SKA3: variants seen among roughly 807,000 people sequenced by gnomAD.
SKA3 encodes the protein spindle and kinetochore-associated protein 3.
In SKA3, 39 loss-of-function variants were observed where a neutral mutation model predicts 44.2. That is an observed-to-expected ratio of 0.88 (90% CI 0.68 to 1.15). The LOEUF (loss-of-function observed/expected upper bound fraction) is 1.15. Ranked by LOEUF, SKA3 falls within the 50% of genes most tolerant of loss-of-function variation. SKA3 has a pLI of 0.00. For synonymous variants in SKA3, 192 were observed against 172.0 expected (o/e 1.12, Z -0.91); for missense variants, 511 against 485.8 (o/e 1.05, Z -0.49).
intron 7 of SKA3, among the ~76,000 whole-genome samples, chr13:21,157,517 G>A (rs1017360785): frequency 6.6e-6 from 1 of 152,196 alleles, no homozygotes; most frequent in African/African-American, 2.4e-5. Flanking sequence ...TATGACTGCT[G>A]TGGCATATGC....
chr13:21,154,616 A>G lies in SKA3; in HGVS notation c.*534T>C, dbSNP rs12872592. ...TCTCTACCTCCAATGGTCACAGTAT[A>G]TAGTTACCCAGGCCTGGAAATCTCC... On this transcript the variant is annotated 3_prime_UTR_variant, in exon 9 of 9. Transcript: ENST00000314759. 0.13 allele frequency: 21,349 copies of G among 163,298 alleles called. 1,183 individuals carry two copies. Among genetic ancestry groups the G allele is most frequent in the South Asian group, 0.22 (1,392 of 6,224 alleles). The allele number at this position is 163,298 out of a possible 1,614,324, so 10.1% of individuals were successfully genotyped here. A position where few individuals can be genotyped will look rare whatever the true frequency, so the allele number is the denominator to read the frequency against.
At chr13:21,173,650 T>G (rs1871218102) in intron 1 of SKA3, among the ~76,000 whole-genome samples, 1 of 152,260 alleles carries the variant, frequency 6.6e-6, no homozygotes, top group Non-Finnish European at 1.5e-5. Context: ...TGCGACTGGC[T>G]TCTTTCACTC....
At chr13:21,165,806 A>G (rs1191603657) in intron 4 of SKA3, among the ~76,000 whole-genome samples, 1 of 151,974 alleles carries the variant, frequency 6.6e-6, no homozygotes, top group Non-Finnish European at 1.5e-5. Flanking sequence ...GTGGTGGCTC[A>G]TGCCTGCAGT....
intron 7 of SKA3, among the ~76,000 whole-genome samples, chr13:21,156,556 A>T (rs1397638451): frequency 6.6e-6 from 1 of 152,246 alleles, no homozygotes; most frequent in Non-Finnish European, 1.5e-5. Context: ...TGGAAACTAT[A>T]TAATTTTCAT....
At chr13:21,165,750 C>T (rs557679964) in intron 4 of SKA3, among the ~76,000 whole-genome samples, 6 of 152,040 alleles carry the variant, frequency 3.9e-5, no homozygotes, top group East Asian at 1.9e-4. Flanking sequence ...GTCTGGGCAA[C>T]GTGGCAAAAC....
Position 21,168,028 on chromosome 13 carries a change from C to T in SKA3, c.703G>A (p.Asp235Asn), listed in dbSNP as rs774359784. Residue 235 changes from aspartate (D) to asparagine (N), a missense_variant, in exon 4 of 9, where the codon GAT becomes AAT. Coordinates refer to ENST00000314759, the MANE Select transcript of SKA3 (RefSeq NM_145061.6). Reference sequence around the variant, plus strand: ...GCATTTTTAAGTCCCATTGTGTAATCTTCATTTAAACACATAGTATATTCA... The same window carrying T: ...GCATTTTTAAGTCCCATTGTGTAATTTTCATTTAAACACATAGTATATTCA... ...ISEYTMCLNE[D>N]YTMGLKNARN... 6.2e-7 allele frequency: 1 copy of T among 1,602,954 alleles called. No individual in the cohort carries two copies. Among genetic ancestry groups the T allele is most frequent in the Non-Finnish European group, 8.5e-7 (1 of 1,175,086 alleles).
At chr13:21,172,878 G>A (rs2137383498) in intron 1 of SKA3, among the ~76,000 whole-genome samples, 197 bp from the exon 2 acceptor site, 1 of 152,120 alleles carries the variant, frequency 6.6e-6, no homozygotes, top group East Asian at 1.9e-4. Flanking sequence ...TTACCATAAT[G>A]TTACAGTTGC....
chr13:21,163,684 T>A (rs1870557739), intron 4 of SKA3, among the ~76,000 whole-genome samples: 1 of 152,176 alleles, frequency 6.6e-6, no homozygotes, highest in African/African-American at 2.4e-5. Context: ...AAAAATGACA[T>A]CTCATTTTTT....
At chr13:21,163,913 G>A (rs779604724) in intron 4 of SKA3, among the ~76,000 whole-genome samples, 2 of 151,872 alleles carry the variant, frequency 1.3e-5, no homozygotes, top group Non-Finnish European at 2.9e-5. Context: ...ACAGGCGCCC[G>A]TCACCACGCC....
intron 3 of SKA3, among the ~76,000 whole-genome samples, chr13:21,170,121 AAAT>A (rs1870955068): frequency 1.3e-5 from 2 of 152,118 alleles, no homozygotes; most frequent in South Asian, 4.1e-4. Flanking sequence ...TAGTTGAGAA[AAAT>A]AATAGGAGAG....
At chr13:21,172,282 A>T in intron 3 of SKA3, 57 bp downstream of exon 3, 1 of 1,022,348 alleles carries the variant, frequency 9.8e-7, no homozygotes, top group Non-Finnish European at 1.3e-6. Context: ...TGTCTTAATC[A>T]TGCTGCCTTG....
chr13:21,159,912 C>T lies in SKA3; in HGVS notation c.905G>A (p.Ser302Asn). 6.2e-7 allele frequency: 1 copy of T among 1,606,490 alleles called. No individual in the cohort carries two copies. Among genetic ancestry groups the T allele is most frequent in the Non-Finnish European group, 8.5e-7 (1 of 1,177,058 alleles). Residue 302 changes from serine (S) to asparagine (N), a missense_variant, in exon 6 of 9, where the codon AGC becomes AAC. Physicochemically the swap from Ser to Asn is conservative, Grantham distance 46 (BLOSUM62 1). Coordinates refer to ENST00000314759, the MANE Select transcript of SKA3 (RefSeq NM_145061.6). ...PGLKIPSTKNSIALVSTNYPL... is the reference protein window; with the variant it reads ...PGLKIPSTKNNIALVSTNYPL... ...TTTATGGAAAGTTACCAAAGCTATG[C>T]TGTTCTTTGTAGATGGAATTTTCAA... is the stretch of plus-strand genomic sequence containing the variant.
chr13:21,173,218 T>C (rs1253296183), intron 1 of SKA3, among the ~76,000 whole-genome samples: 1 of 152,214 alleles, frequency 6.6e-6, no homozygotes, highest in Non-Finnish European at 1.5e-5. Flanking sequence ...AGCCCTCTTA[T>C]AGTCTCTCCC....
intron 6 of SKA3, among the ~76,000 whole-genome samples, chr13:21,158,677 A>G (rs540067728): frequency 2.3e-4 from 35 of 152,276 alleles, no homozygotes; most frequent in Admixed American, 9.2e-4. Context: ...AACTATATAG[A>G]ATGAACCAAA....
chr13:21,167,668 G>C (rs546341447), intron 4 of SKA3, among the ~76,000 whole-genome samples: 1 of 151,642 alleles, frequency 6.6e-6, no homozygotes, highest in Non-Finnish European at 1.5e-5. Flanking sequence ...TCGGGAGGGT[G>C]AGGCAGGAGA....
intron 6 of SKA3, 148 bp downstream of exon 6, chr13:21,159,754 C>T: frequency 1.9e-6 from 1 of 521,368 alleles, no homozygotes; most frequent in Non-Finnish European, 3.3e-6. Flanking sequence ...TTTATGCTGC[C>T]AAGCTACCCT....
chr13:21,169,374 T>C (rs1414023400), intron 3 of SKA3, among the ~76,000 whole-genome samples: 1 of 152,088 alleles, frequency 6.6e-6, no homozygotes, highest in Non-Finnish European at 1.5e-5. Flanking sequence ...TAATTTTTTG[T>C]ATTTTTGGTA....
chr13:21,161,165 C>G (rs1019545413), intron 5 of SKA3, among the ~76,000 whole-genome samples: 2 of 152,004 alleles, frequency 1.3e-5, no homozygotes, highest in Non-Finnish European at 1.5e-5. Context: ...TGCCTATAGT[C>G]TCGGATACTT....
chr13:21,154,993 A>G lies in SKA3; in HGVS notation c.*157T>C. 1 of 1,255,094 alleles carries G rather than the reference A, an allele frequency of 8.0e-7. No individual in the cohort carries two copies. The highest frequency in any genetic ancestry group is 1.1e-6 in the Non-Finnish European group (1 of 887,178). 77.7% of individuals were successfully genotyped at this position (1,255,094 alleles called of 1,614,324 possible). Reference sequence around the variant, plus strand: ...AGGTTAAACCTTATTGAAACTTCATAAAAAGCATATTATGATGTTAATGTT... The same window carrying G: ...AGGTTAAACCTTATTGAAACTTCATGAAAAGCATATTATGATGTTAATGTT... On this transcript the variant is annotated 3_prime_UTR_variant, in exon 9 of 9. Transcript: ENST00000314759.
Sources: allele counts gnomAD v4.1 joint callset (sites outside exome capture counted in the v4.1 genomes callset), GRCh38; gene constraint gnomAD v4.1.1; transcripts MANE v1.5; gene names NCBI Gene and HGNC (gene_info 2026-07-23, HGNC 2026-07-21).